The following ZNF618 variants were observed in gnomAD, a reference collection of about 807,000 sequenced individuals.
ZNF618 encodes the protein neural precursor cell expressed, developmentally down-regulated 10.
Under a neutral mutation model 103.0 loss-of-function variants are expected in ZNF618, and 34 were observed. That is an observed-to-expected ratio of 0.33 (90% confidence interval 0.25 to 0.44). The LOEUF (loss-of-function observed/expected upper bound fraction) is 0.44, where lower values mean the gene tolerates loss of function less well. Ranked by LOEUF, ZNF618 falls within the 20% of genes least tolerant of loss-of-function variation. The pLI, the probability that ZNF618 is intolerant of heterozygous loss-of-function variation, is 1.00. For synonymous variants in ZNF618, 551 were observed against 542.2 expected (o/e 1.02, Z -0.23); for missense variants, 1,059 against 1,295.4 (o/e 0.82, Z 2.80).
chr9:113,921,420 GT>G (rs1459929725), intron 1 of ZNF618, among the ~76,000 whole-genome samples: 1 of 152,364 alleles, frequency 6.6e-6, no homozygotes, highest in East Asian at 1.9e-4. Context: ...GAGATTCAGA[GT>G]TGATTTAGCC....
chr9:113,911,372 A>G (rs550967525), intron 1 of ZNF618, among the ~76,000 whole-genome samples: 1 of 152,258 alleles, frequency 6.6e-6, no homozygotes, highest in Non-Finnish European at 1.5e-5. Flanking sequence ...CTAGTCACCC[A>G]GGCTAGAGTA....
In ZNF618 at chr9:114,053,621, C is replaced by T. The variant is rs972480094; in HGVS notation, c.*3454C>T. 13 of 152,216 alleles carry T rather than the reference C, an allele frequency of 8.5e-5. No homozygotes were observed. Among genetic ancestry groups the T allele is most frequent in the Admixed American group, 4.6e-4 (7 of 15,286 alleles). The allele number at this position is 152,216 out of a possible 1,614,324, so 9.4% of individuals were successfully genotyped here. A position where few individuals can be genotyped will look rare whatever the true frequency, so the allele number is the denominator to read the frequency against. On this transcript the variant is annotated 3_prime_UTR_variant, in exon 15 of 15. Transcript: ENST00000374126. Reference sequence around the variant, plus strand: ...ACAAAGCCCAAGCCAAGAACTGCAGCGTTGAGGGTTGTCCCTCGGAGTGGA... The same window carrying T: ...ACAAAGCCCAAGCCAAGAACTGCAGTGTTGAGGGTTGTCCCTCGGAGTGGA...
intron 1 of ZNF618, among the ~76,000 whole-genome samples, chr9:113,900,223 G>A (rs1017147213): frequency 1.3e-5 from 2 of 151,990 alleles, no homozygotes; most frequent in Non-Finnish European, 2.9e-5. Context: ...CAGCACACCT[G>A]GCTAATTTTT....
intron 10 of ZNF618, among the ~76,000 whole-genome samples, chr9:114,017,857 T>C (rs1339028157): frequency 6.6e-6 from 1 of 152,156 alleles, no homozygotes; most frequent in Non-Finnish European, 1.5e-5. Flanking sequence ...ATTCAGAGCC[T>C]GGAGGGTGGT....
At chr9:113,878,528 G>T (rs571380567) in intron 1 of ZNF618, among the ~76,000 whole-genome samples, 3 of 152,254 alleles carry the variant, frequency 2.0e-5, no homozygotes, top group Non-Finnish European at 2.9e-5. Context: ...AATATTGACC[G>T]AATTGAAATT....
intron 2 of ZNF618, among the ~76,000 whole-genome samples, chr9:113,979,470 A>G (rs1838786067): frequency 6.6e-6 from 1 of 152,256 alleles, no homozygotes; most frequent in South Asian, 2.1e-4. Flanking sequence ...TCACTTATTC[A>G]GAAAATTGGC....
chr9:113,886,691 G>A (rs1013876673), intron 1 of ZNF618, among the ~76,000 whole-genome samples: 10 of 152,064 alleles, frequency 6.6e-5, no homozygotes, highest in Middle Eastern at 3.4e-3. Context: ...TTGTTGTGAG[G>A]CCTGCCTTTG....
rs559165036 is a variant in ZNF618, at chr9:114,016,236, G to C, written c.755-459G>C. 20 of 1,466,036 alleles carry C rather than the reference G, an allele frequency of 1.4e-5. No individual in the cohort carries two copies. In the East Asian group the frequency reaches 4.5e-4, roughly 33 times the overall value. The allele number at this position is 1,466,036 out of a possible 1,614,324, so 90.8% of individuals were successfully genotyped here. ...GACCCCTGCTGCTAGTGGGTGGGGG[G>C]TGCTTGGGGGCAGGGAAGGTCCTGG... On this transcript the variant is annotated intron_variant, in intron 9 of 14. Transcript: ENST00000374126.
At chr9:114,005,974 T>C (rs1841716525) in intron 6 of ZNF618, among the ~76,000 whole-genome samples, 2 of 152,192 alleles carry the variant, frequency 1.3e-5, no homozygotes. Context: ...CCTCAGAATG[T>C]CTCCAAGGAA....
intron 10 of ZNF618, among the ~76,000 whole-genome samples, chr9:114,027,291 C>T (rs10982039): frequency 0.19 from 29,275 of 152,066 alleles, 5,193 homozygotes; most frequent in African/African-American, 0.47. Flanking sequence ...CAGCTCAGGT[C>T]ACAAGGGACA....
chr9:114,011,538 C>T (rs779473138), intron 9 of ZNF618, among the ~76,000 whole-genome samples: 17 of 152,232 alleles, frequency 1.1e-4, no homozygotes, highest in African/African-American at 3.4e-4. Context: ...TGCTGCCACT[C>T]AGGAGCTGCC....
chr9:113,993,010 TA>T (rs1406715922), intron 3 of ZNF618, among the ~76,000 whole-genome samples: 1 of 152,096 alleles, frequency 6.6e-6, no homozygotes, highest in Non-Finnish European at 1.5e-5. Context: ...CCTTTTATAG[TA>T]AGAAGAGCAG....
At chr9:113,899,724 C>T (rs1830349958) in intron 1 of ZNF618, among the ~76,000 whole-genome samples, 1 of 152,190 alleles carries the variant, frequency 6.6e-6, no homozygotes, top group South Asian at 2.1e-4. Context: ...TGGACTTACA[C>T]AGCATTTGTG....
chr9:114,037,372 C>T (rs1333033213), intron 13 of ZNF618, among the ~76,000 whole-genome samples: 2 of 152,180 alleles, frequency 1.3e-5, no homozygotes, highest in Non-Finnish European at 2.9e-5. Context: ...CCACAAGTGA[C>T]ACCTGTAAAT....
At chr9:114,002,739 TC>T in intron 6 of ZNF618, 77 bp downstream of exon 6, 2 of 1,527,274 alleles carry the variant, frequency 1.3e-6, no homozygotes, top group Non-Finnish European at 8.9e-7. Flanking sequence ...GCTTGTCCCC[TC>T]CCCCAGAACT....
intron 10 of ZNF618, chr9:114,028,491 T>A: frequency 1.7e-6 from 1 of 590,182 alleles, no homozygotes; most frequent in Non-Finnish European, 3.0e-6. Flanking sequence ...TCAAGGGTTA[T>A]GGGTGACCTA....
chr9:114,027,995 A>G (rs991353112), intron 10 of ZNF618: 2 of 151,986 alleles, frequency 1.3e-5, no homozygotes, highest in African/African-American at 4.8e-5. Context: ...GGGGCTGGCC[A>G]CCACTGCTAA....
At chr9:113,968,157 CATT>C (rs951719548) in intron 1 of ZNF618, among the ~76,000 whole-genome samples, 9 of 152,184 alleles carry the variant, frequency 5.9e-5, no homozygotes, top group Admixed American at 2.0e-4. Flanking sequence ...TGACAGTCCT[CATT>C]GTTGTTTTGT....
At chr9:113,889,324 T>C (rs1348631042) in intron 1 of ZNF618, among the ~76,000 whole-genome samples, 2 of 149,976 alleles carry the variant, frequency 1.3e-5, no homozygotes, top group African/African-American at 4.9e-5. Flanking sequence ...ACCATCTCTC[T>C]CTCTCTCTCT....
Sources: allele counts gnomAD v4.1 joint callset (sites outside exome capture counted in the v4.1 genomes callset), GRCh38; gene constraint gnomAD v4.1.1; transcripts MANE v1.5; gene names NCBI Gene and HGNC (gene_info 2026-07-23, HGNC 2026-07-21).